UTRN: variants seen among roughly 807,000 people sequenced by gnomAD.
The protein encoded by UTRN is utrophin.
In UTRN, 283 loss-of-function variants were observed where a neutral mutation model predicts 463.9. The observed-to-expected ratio is 0.61, with a 90% CI of 0.55 to 0.67. UTRN has a LOEUF of 0.67. Among genes scored for constraint, UTRN ranks in the 30% least tolerant of loss-of-function variants. The pLI is 0.00. For synonymous variants in UTRN, 1,442 were observed against 1,431.5 expected (o/e 1.01, Z -0.17); for missense variants, 3,922 against 4,084.3 (o/e 0.96, Z 1.08).
intron 2 of UTRN, chr6:144,398,888 T>C (rs1197281753): frequency 6.6e-6 from 1 of 152,190 alleles, no homozygotes; most frequent in Non-Finnish European, 1.5e-5. Context: ...TGTATTTAGC[T>C]TTTTACAGAG....
intron 2 of UTRN, among the ~76,000 whole-genome samples, chr6:144,369,354 C>A (rs1004319488): frequency 2.0e-5 from 3 of 152,234 alleles, no homozygotes; most frequent in Non-Finnish European, 2.9e-5. Flanking sequence ...CATGGTGGCT[C>A]ACGCCTGTAA....
chr6:144,777,371 G>T (rs1775420804), intron 60 of UTRN, among the ~76,000 whole-genome samples: 1 of 152,146 alleles, frequency 6.6e-6, no homozygotes, highest in South Asian at 2.1e-4. Context: ...GAAAAAAAAT[G>T]TGTACCACTC....
At chr6:144,528,585 C>T (rs1183615969) in intron 41 of UTRN, among the ~76,000 whole-genome samples, 1 of 152,164 alleles carries the variant, frequency 6.6e-6, no homozygotes, top group African/African-American at 2.4e-5. Flanking sequence ...AGCCATCCAG[C>T]ACAGCTACTG....
At chr6:144,321,682 G>C (rs1775660908) in intron 2 of UTRN, among the ~76,000 whole-genome samples, 1 of 151,702 alleles carries the variant, frequency 6.6e-6, no homozygotes, top group Non-Finnish European at 1.5e-5. Context: ...ATGTTGGTCA[G>C]GCTGGTTTCG....
intron 51 of UTRN, among the ~76,000 whole-genome samples, chr6:144,672,185 G>T (rs1781114303): frequency 6.6e-6 from 1 of 152,028 alleles, no homozygotes; most frequent in South Asian, 2.1e-4. Context: ...ATGATTTAGG[G>T]AGGATTTCCT....
At position 144,314,959 on chromosome 6, in the gene UTRN, CTTAT is replaced by C. The variant is rs35669873; in HGVS notation, c.79+23072_79+23075del. The stretch of plus-strand genomic sequence containing the variant: ...ATACCTCTCTCTATATATTTTTTTC[CTTAT>C]TTATTTATTTATTTATTTAACAGCT... On this transcript the variant is annotated intron_variant, in intron 2 of 74. Transcript: ENST00000367545. Among the ~76,000 whole-genome samples, 90 of 151,408 alleles carry C rather than the reference CTTAT, an allele frequency of 5.9e-4. 1 individual carries two copies. In the South Asian group the frequency reaches 9.2e-3, roughly 15 times the overall value.
intron 2 of UTRN, among the ~76,000 whole-genome samples, chr6:144,321,461 CTTTTTTTTTTTTT>C (rs529134208): frequency 1.0e-4 from 10 of 100,442 alleles, no homozygotes; most frequent in East Asian, 7.2e-4. Context: ...TGTGCCATAT[CTTTTTTTTTTTTT>C]TTTTTTTTTT....
At chr6:144,521,665 C>A (rs1242805126) in intron 39 of UTRN, among the ~76,000 whole-genome samples, 6 of 152,006 alleles carry the variant, frequency 3.9e-5, no homozygotes, top group Non-Finnish European at 7.4e-5. Flanking sequence ...TATTCTCATT[C>A]TTTCAACAAC....
chr6:144,430,443 T>G (rs766252244), intron 9 of UTRN, among the ~76,000 whole-genome samples: 6 of 152,188 alleles, frequency 3.9e-5, no homozygotes, highest in Non-Finnish European at 8.8e-5. Context: ...AGAAGTCACT[T>G]GGTTCAACAT....
chr6:144,659,319 A>G (rs1779624280), intron 51 of UTRN, among the ~76,000 whole-genome samples: 1 of 152,178 alleles, frequency 6.6e-6, no homozygotes, highest in Non-Finnish European at 1.5e-5. Flanking sequence ...GATGCTGATT[A>G]AAATAATAAA....
intron 2 of UTRN, among the ~76,000 whole-genome samples, chr6:144,368,176 A>G (rs528368227): frequency 2.8e-4 from 42 of 152,180 alleles, no homozygotes; most frequent in Non-Finnish European, 5.3e-4. Flanking sequence ...ATAAAAAGCC[A>G]TGGTACAGGC....
At chr6:144,394,216 A>G (rs1240098212) in intron 2 of UTRN, among the ~76,000 whole-genome samples, 1 of 152,206 alleles carries the variant, frequency 6.6e-6, no homozygotes, top group Non-Finnish European at 1.5e-5. Context: ...ATATATGTGT[A>G]TTAGTCTCTT....
At chr6:144,353,137 A>T (rs1231086177) in intron 2 of UTRN, among the ~76,000 whole-genome samples, 3 of 151,242 alleles carry the variant, frequency 2.0e-5, no homozygotes, top group Non-Finnish European at 3.0e-5. Flanking sequence ...TTATTTGGGT[A>T]AGAGTCTCGC....
At chr6:144,820,405 A>C (rs1477767965) in intron 65 of UTRN, among the ~76,000 whole-genome samples, 1 of 152,184 alleles carries the variant, frequency 6.6e-6, no homozygotes, top group African/African-American at 2.4e-5. Flanking sequence ...CTTTTTCCCC[A>C]CTAGAATATA....
chr6:144,544,504 T>G (rs931368604), intron 46 of UTRN, among the ~76,000 whole-genome samples: 1 of 152,068 alleles, frequency 6.6e-6, no homozygotes, highest in Non-Finnish European at 1.5e-5. Context: ...ATAAATGGAG[T>G]CATACGATGC....
At chr6:144,530,792 G>A (rs930651414) in intron 41 of UTRN, among the ~76,000 whole-genome samples, 5 of 151,948 alleles carry the variant, frequency 3.3e-5, no homozygotes, top group African/African-American at 1.2e-4. Context: ...GAGTGTGCAT[G>A]TGTGTGTGTA....
rs1792589560 is a variant in UTRN at position 144,487,568 on chromosome 6, C to T, written c.3843C>T (p.Arg1281=). 9 of 1,611,872 alleles carry T rather than the reference C, an allele frequency of 5.6e-6. No individual in the cohort carries two copies. In the East Asian group the frequency reaches 2.0e-4, roughly 36 times the overall value. Residue 1281 remains arginine (R), a synonymous_variant, in exon 29 of 75, where the codon CGC becomes CGT. Transcript: ENST00000367545. Reference sequence around the variant, plus strand: ...TCCAGTCTCTGGAATCTGTTCTGCGCCACCCGGCAGATAATCGCACCCAGA... The same window carrying T: ...TCCAGTCTCTGGAATCTGTTCTGCGTCACCCGGCAGATAATCGCACCCAGA... The part of the protein sequence containing the change: ...EALESLESVL[R]HPADNRTQIR...
At chr6:144,719,986 C>A (rs180946401) in intron 53 of UTRN, among the ~76,000 whole-genome samples, 32 of 152,364 alleles carry the variant, frequency 2.1e-4, no homozygotes, top group African/African-American at 7.5e-4. Context: ...GGATTTATTT[C>A]ACACCCACAT....
At chr6:144,314,556 C>T (rs999585104) in intron 2 of UTRN, among the ~76,000 whole-genome samples, 4 of 152,230 alleles carry the variant, frequency 2.6e-5, no homozygotes, top group African/African-American at 9.6e-5. Context: ...ACCAGATATG[C>T]TTCAGAATTT....
Sources: allele counts gnomAD v4.1 joint callset (sites outside exome capture counted in the v4.1 genomes callset), GRCh38; gene constraint gnomAD v4.1.1; transcripts MANE v1.5; gene names NCBI Gene and HGNC (gene_info 2026-07-23, HGNC 2026-07-21).